Variants in HSPH1 observed in about 807,000 individuals in gnomAD.
HSPH1 encodes heat shock protein family H (Hsp110) member 1.
Under a neutral mutation model 100.0 loss-of-function variants are expected in HSPH1, and 40 were observed. That is an observed-to-expected ratio of 0.40 (90% CI 0.31 to 0.52). The LOEUF (loss-of-function observed/expected upper bound fraction) is 0.52, where lower values mean the gene tolerates loss of function less well. Among genes scored for constraint, HSPH1 ranks in the 20% least tolerant of loss-of-function variants. The probability of loss-of-function intolerance (pLI) is 0.54; values close to 1 mark genes in which losing one functional copy is unlikely to be tolerated. For synonymous variants in HSPH1, 403 were observed against 344.0 expected (o/e 1.17, Z -1.90); for missense variants, 876 against 1,015.1 (o/e 0.86, Z 1.86).
At chr13:31,143,315 C>T (rs1276549146) in intron 12 of HSPH1, among the ~76,000 whole-genome samples, 1 of 152,012 alleles carries the variant, frequency 6.6e-6, no homozygotes, top group Non-Finnish European at 1.5e-5. Flanking sequence ...AAAATAATTA[C>T]CTTGAAGTGC....
chr13:31,140,350 A>AC, intron 13 of HSPH1, 41 bp from the exon 14 acceptor site: 2 of 1,581,396 alleles, frequency 1.3e-6, no homozygotes, highest in Non-Finnish European at 1.7e-6. Flanking sequence ...TCTTCTAGTT[A>AC]ACTCAAGCTA....
upstream of HSPH1, chr13:31,162,189 G>A (rs116687944): frequency 2.2e-4 from 246 of 1,117,274 alleles, no homozygotes; most frequent in African/African-American, 3.4e-3. Context: ...AATAAAACAG[G>A]CAACGAAGAA....
intron 12 of HSPH1, among the ~76,000 whole-genome samples, chr13:31,141,521 C>T (rs1049127002): frequency 2.0e-5 from 3 of 151,962 alleles, no homozygotes; most frequent in Non-Finnish European, 4.4e-5. Context: ...AGCTTTTCTT[C>T]GCAAGTCTTT....
At chr13:31,156,558 C>T (rs1220129298) in intron 2 of HSPH1, among the ~76,000 whole-genome samples, 1 of 106,514 alleles carries the variant, frequency 9.4e-6, no homozygotes, top group Non-Finnish European at 2.0e-5. Flanking sequence ...GGGTGAAACT[C>T]ATTCTCAAAA....
rs142839446 is a variant in HSPH1 at position 31,148,613 on chromosome 13, T to C, written c.1138-133A>G. 4.2e-5 allele frequency: 20 copies of C among 481,040 alleles called. No individual in the cohort carries two copies. The East Asian group carries it at 6.1e-4, about 15-fold the overall frequency. 29.8% of individuals were successfully genotyped at this position (481,040 alleles called of 1,614,324 possible). On this transcript the variant is annotated intron_variant, in intron 8 of 17. Transcript: ENST00000320027. The stretch of plus-strand genomic sequence containing the variant: ...AAACAACTCACATTCCAGAATTGTT[T>C]CCAGTATATTTCATCTAAACAAAGA...
Position 31,148,480 on chromosome 13 carries a change from A to C in HSPH1, c.1138T>G (p.Cys380Gly), listed in dbSNP as rs1019214383. ...TTAAATGCCGGGGAAAGTATTGCAC[A>C]CTTAAAAAAAAAAAAAAAAATCATG... ...EAVARGCALQCAILSPAFKVR... is the reference protein window; with the variant it reads ...EAVARGCALQGAILSPAFKVR... The change falls in exon 9 of 18, where the codon TGT becomes GGT. Residue 380 changes from cysteine to glycine, a missense_variant and splice_region_variant. Transcript: ENST00000320027. The C allele has an allele frequency of 3.6e-6, 5 of 1,373,712 alleles. No homozygotes were observed. The highest frequency in any genetic ancestry group is 1.9e-4 in the Middle Eastern group (1 of 5,344). 85.1% of individuals were successfully genotyped at this position (1,373,712 alleles called of 1,614,324 possible).
Position 31,138,458 on chromosome 13 carries a change from A to C in HSPH1, c.2319T>G (p.Ser773Arg). Residue 773 changes from serine (S) to arginine (R), a missense_variant, in exon 17 of 18, where the codon AGT becomes AGG. By Grantham distance (110) the Ser-to-Arg change is moderately radical. Transcript: ENST00000320027. ...NNVMNAQAKK[S>R]LDQDPVVRAQ... is the part of the protein sequence containing the mutation. ...CACGTACAACTGGATCCTGATCAAG[A>C]CTCTTTTTAGCCTGAGCATTCATGA... 1 of 1,613,086 alleles carries C rather than the reference A, an allele frequency of 6.2e-7. No homozygotes were observed. The highest frequency in any genetic ancestry group is 8.5e-7 in the Non-Finnish European group (1 of 1,179,436).
At chr13:31,161,193 C>A (rs954759110) in intron 1 of HSPH1, among the ~76,000 whole-genome samples, 1 of 152,126 alleles carries the variant, frequency 6.6e-6, no homozygotes, top group East Asian at 1.9e-4. Flanking sequence ...GTTTTGAAAA[C>A]CCCCAATAGG....
At chr13:31,147,902 G>A (rs1377473059) in intron 10 of HSPH1, 57 bp downstream of exon 10, 1 of 1,425,576 alleles carries the variant, frequency 7.0e-7, no homozygotes, top group Non-Finnish European at 9.5e-7. Context: ...TTTGTACAAT[G>A]AGTGAGAAGC....
At chr13:31,149,852 G>A in intron 8 of HSPH1, 102 bp downstream of exon 8, 1 of 886,144 alleles carries the variant, frequency 1.1e-6, no homozygotes, top group Admixed American at 1.9e-5. Context: ...ATGTCCTTCT[G>A]CTACCTAGAC....
At chr13:31,146,288 T>TA (rs1434708850) in intron 10 of HSPH1, among the ~76,000 whole-genome samples, 1 of 152,152 alleles carries the variant, frequency 6.6e-6, no homozygotes, top group East Asian at 1.9e-4. Context: ...TATGACCTCT[T>TA]AAAATATATA....
chr13:31,141,700 G>A (rs1223258920), intron 12 of HSPH1, among the ~76,000 whole-genome samples: 1 of 151,964 alleles, frequency 6.6e-6, no homozygotes, highest in African/African-American at 2.4e-5. Context: ...CTATATGCCA[G>A]TATGCCTGCT....
intron 17 of HSPH1, among the ~76,000 whole-genome samples, chr13:31,138,132 T>G (rs1282354779): frequency 6.6e-6 from 1 of 152,104 alleles, no homozygotes; most frequent in Non-Finnish European, 1.5e-5. Context: ...AGACTACACT[T>G]TGCACACTTG....
rs11363658 is a variant in HSPH1 at position 31,158,548 on chromosome 13, C to CAA, written c.165+256_165+257dup. On this transcript the variant is annotated intron_variant, in intron 2 of 17. Transcript: ENST00000320027. ...TGGGTAACAGAGCGAGACTCTATCT[C>CAA]AAAAAAAAAAAAAAAAAAAAAAAAA... Among the ~76,000 whole-genome samples, 153 of 63,810 alleles carry CAA rather than the reference C, an allele frequency of 2.4e-3. 1 individual carries two copies. Among genetic ancestry groups the CAA allele is most frequent in the East Asian group, 3.5e-3 (7 of 2,012 alleles). 41.9% of individuals were successfully genotyped at this position (63,810 alleles called of 152,430 possible). A position where few individuals can be genotyped will look rare whatever the true frequency, so the allele number is the denominator to read the frequency against.
intron 12 of HSPH1, among the ~76,000 whole-genome samples, chr13:31,141,464 T>C (rs1956087260): frequency 6.6e-6 from 1 of 152,080 alleles, no homozygotes; most frequent in South Asian, 2.1e-4. Flanking sequence ...CTTCAGGAAT[T>C]CACTGGGATA....
At chr13:31,158,955 A>T in intron 1 of HSPH1, 92 bp from the exon 2 acceptor site, 3 of 787,176 alleles carry the variant, frequency 3.8e-6, no homozygotes, top group Non-Finnish European at 6.7e-6. Context: ...TGTCCTACCC[A>T]TTAGGGGATA....
chr13:31,154,871 T>A, intron 3 of HSPH1, 116 bp from the exon 4 acceptor site: 1 of 887,718 alleles, frequency 1.1e-6, no homozygotes, highest in Non-Finnish European at 1.7e-6. Flanking sequence ...TTTATTGTTG[T>A]AGTTGTTTTG....
chr13:31,155,321 C>CAT (rs1363276530), intron 3 of HSPH1, among the ~76,000 whole-genome samples, 193 bp downstream of exon 3: 3 of 152,140 alleles, frequency 2.0e-5, no homozygotes, highest in African/African-American at 7.2e-5. Flanking sequence ...TAAGTTATAG[C>CAT]ATATATATTA....
At chr13:31,141,081 A>G (rs1257080076) in intron 13 of HSPH1, 41 bp downstream of exon 13, 1 of 1,301,604 alleles carries the variant, frequency 7.7e-7, no homozygotes, top group Non-Finnish European at 1.1e-6. Flanking sequence ...CCAAGAAACT[A>G]AACATATTTC....
Sources: allele counts gnomAD v4.1 joint callset (sites outside exome capture counted in the v4.1 genomes callset), GRCh38; gene constraint gnomAD v4.1.1; transcripts MANE v1.5; gene names NCBI Gene and HGNC (gene_info 2026-07-23, HGNC 2026-07-21).